The following MAP2K1 variants were observed in gnomAD, a reference collection of about 807,000 sequenced individuals.
MAP2K1 encodes the protein dual specificity mitogen-activated protein kinase kinase 1.
MAP2K1 carries 16 observed loss-of-function variants against 46.3 expected under a neutral mutation model. The ratio of observed to expected loss-of-function variants is 0.35; its 90% CI spans 0.23 to 0.52. The LOEUF (loss-of-function observed/expected upper bound fraction) is 0.52. Ranked by LOEUF, MAP2K1 falls within the 20% of genes least tolerant of loss-of-function variation. The pLI, the probability that MAP2K1 is intolerant of heterozygous loss-of-function variation, is 0.94. For synonymous variants in MAP2K1, 183 were observed against 185.6 expected (o/e 0.99, Z 0.11); for missense variants, 263 against 497.1 (o/e 0.53, Z 4.48).
intron 5 of MAP2K1, among the ~76,000 whole-genome samples, chr15:66,477,695 C>T (rs1892786977): frequency 6.6e-6 from 1 of 152,160 alleles, no homozygotes; most frequent in Non-Finnish European, 1.5e-5. Context: ...CAGATCATGC[C>T]TAAACAGCCC....
intron 5 of MAP2K1, among the ~76,000 whole-genome samples, chr15:66,475,707 G>C (rs544714497): frequency 5.8e-4 from 89 of 152,292 alleles, no homozygotes; most frequent in African/African-American, 2.1e-3. Context: ...CATCTGATGG[G>C]TGGCACCCAT....
At chr15:66,457,963 GAAAA>G (rs35205995) in intron 5 of MAP2K1, among the ~76,000 whole-genome samples, 1 of 114,190 alleles carries the variant, frequency 8.8e-6, no homozygotes, top group Admixed American at 9.1e-5. Context: ...GACTGTCTCA[GAAAA>G]AAAAAAAAAA....
intron 1 of MAP2K1, among the ~76,000 whole-genome samples, chr15:66,411,582 G>A (rs537363786): frequency 6.6e-6 from 1 of 152,252 alleles, no homozygotes; most frequent in Non-Finnish European, 1.5e-5. Context: ...TATTGGTTTT[G>A]CTATTGTCTT....
chr15:66,444,855 T>C, intron 5 of MAP2K1, 148 bp downstream of exon 5: 1 of 721,044 alleles, frequency 1.4e-6, no homozygotes, highest in Non-Finnish European at 2.4e-6. Context: ...TTTAGTTTGG[T>C]GGCTGAGGCA....
intron 5 of MAP2K1, among the ~76,000 whole-genome samples, chr15:66,470,030 A>G (rs1892583757): frequency 6.6e-6 from 1 of 151,216 alleles, no homozygotes; most frequent in South Asian, 2.1e-4. Context: ...GTCAAATAAA[A>G]AATCTTTCCT....
chr15:66,396,592 A>G (rs574358845), intron 1 of MAP2K1, among the ~76,000 whole-genome samples: 1 of 151,632 alleles, frequency 6.6e-6, no homozygotes, highest in Non-Finnish European at 1.5e-5. Context: ...ATCTTTCAAG[A>G]TCTTACATAA....
intron 10 of MAP2K1, 200 bp from the exon 11 acceptor site, chr15:66,490,301 CA>C: frequency 2.9e-6 from 2 of 690,992 alleles, no homozygotes; most frequent in Non-Finnish European, 5.3e-6. Flanking sequence ...GTGACTTGCC[CA>C]AGGCCTCACA....
In MAP2K1 at chr15:66,387,337, C is replaced by T; in HGVS notation, c.-11C>T. The stretch of plus-strand genomic sequence containing the variant: ...CCCCCCGGAGTTGGAAGCGCGTTAC[C>T]CGGGTCCAAAATGCCCAAGAAGAAG... On this transcript the variant is annotated 5_prime_UTR_variant, in exon 1 of 11. Coordinates refer to ENST00000307102, the MANE Select transcript of MAP2K1 (RefSeq NM_002755.4). 1.2e-5 allele frequency: 18 copies of T among 1,556,082 alleles called. No individual in the cohort carries two copies. Among genetic ancestry groups the T allele is most frequent in the Non-Finnish European group, 1.6e-5 (18 of 1,149,258 alleles).
At position 66,479,033 on chromosome 15, in the gene MAP2K1, A is replaced by G. The variant is rs149140524; in HGVS notation, c.569-2722A>G. Among the ~76,000 whole-genome samples the G allele has an allele frequency of 2.6e-3, 395 of 151,838 alleles. 1 individual carries two copies. Among genetic ancestry groups the G allele is most frequent in the Middle Eastern group, 0.021 (6 of 292 alleles). On this transcript the variant is annotated intron_variant, in intron 5 of 10. Transcript: ENST00000307102. The stretch of plus-strand genomic sequence containing the variant: ...GTCAGAGGGCCTGGGATCTGCTTTC[A>G]GCTTTACCCAGTTTTTGCTGTGTGA...
At chr15:66,460,470 AAC>A in intron 5 of MAP2K1, among the ~76,000 whole-genome samples, 1 of 152,296 alleles carries the variant, frequency 6.6e-6, no homozygotes, top group South Asian at 2.1e-4. Context: ...GAGGCAGGAA[AAC>A]ACAGACATGT....
At chr15:66,434,573 T>G (rs1430347037) in intron 1 of MAP2K1, among the ~76,000 whole-genome samples, 4 of 152,232 alleles carry the variant, frequency 2.6e-5, no homozygotes, top group African/African-American at 4.8e-5. Flanking sequence ...AAATGAGGAT[T>G]TCTACTGTTG....
intron 5 of MAP2K1, among the ~76,000 whole-genome samples, chr15:66,466,611 T>C (rs1474799577): frequency 6.6e-6 from 1 of 151,810 alleles, no homozygotes; most frequent in African/African-American, 2.4e-5. Context: ...ACCCTGGAGG[T>C]GGAGGTTGCA....
chr15:66,392,254 GGT>G lies in MAP2K1; in HGVS notation c.80+4828_80+4829del, dbSNP rs1491230762. Among the ~76,000 whole-genome samples the G allele has an allele frequency of 1.5e-4, 12 of 79,674 alleles. No individual in the cohort carries two copies. The East Asian group carries it at 3.0e-3, about 20-fold the overall frequency. The allele number at this position is 79,674 out of a possible 152,430, so 52.3% of individuals were successfully genotyped here. On this transcript the variant is annotated intron_variant, in intron 1 of 10. Coordinates refer to ENST00000307102, the MANE Select transcript of MAP2K1 (RefSeq NM_002755.4). ...CACGAATATTTGTGTGTTTTTTTTGGGTTTTTTTTTTTTTTTTTTTTTTTTAA... is the reference window on the plus strand; with the variant it reads ...CACGAATATTTGTGTGTTTTTTTTGGTTTTTTTTTTTTTTTTTTTTTTTAA...
intron 7 of MAP2K1, 93 bp from the exon 8 acceptor site, chr15:66,487,135 T>C (rs1595887063): frequency 9.9e-7 from 1 of 1,014,578 alleles, no homozygotes; most frequent in East Asian, 2.4e-5. Flanking sequence ...CATGACCCTG[T>C]TCTGGTCCCA....
intron 5 of MAP2K1, among the ~76,000 whole-genome samples, chr15:66,466,578 T>C (rs1006743127): frequency 6.6e-6 from 1 of 151,526 alleles, no homozygotes; most frequent in East Asian, 1.9e-4. Context: ...TACTCAGGAG[T>C]CTGAGACCCA....
intron 5 of MAP2K1, among the ~76,000 whole-genome samples, chr15:66,472,001 G>A (rs1164677575): frequency 6.6e-5 from 10 of 150,390 alleles, no homozygotes; most frequent in Admixed American, 6.6e-5. Flanking sequence ...CGGTTGAACC[G>A]GGGAGGCGGA....
intron 1 of MAP2K1, among the ~76,000 whole-genome samples, chr15:66,398,768 AT>A (rs35657608): frequency 0.068 from 7,250 of 106,362 alleles, 299 homozygotes; most frequent in East Asian, 0.27. Flanking sequence ...AGTATTGCTA[AT>A]TTTTTTTTTT....
chr15:66,416,776 G>A (rs999824030), intron 1 of MAP2K1, among the ~76,000 whole-genome samples: 4 of 152,242 alleles, frequency 2.6e-5, no homozygotes, highest in Admixed American at 2.6e-4. Context: ...GGAAGGTTTG[G>A]GGTGGGGAGG....
intron 5 of MAP2K1, among the ~76,000 whole-genome samples, chr15:66,454,002 C>T (rs773231959): frequency 2.6e-5 from 4 of 152,184 alleles, no homozygotes; most frequent in Non-Finnish European, 5.9e-5. Context: ...AACGAGGCTC[C>T]AAAACTTAGT....
Sources: allele counts gnomAD v4.1 joint callset (sites outside exome capture counted in the v4.1 genomes callset), GRCh38; gene constraint gnomAD v4.1.1; transcripts MANE v1.5; gene names NCBI Gene and HGNC (gene_info 2026-07-23, HGNC 2026-07-21).